Variants in RTN4 observed in about 807,000 individuals in gnomAD.
RTN4 encodes reticulon-4.
Under a neutral mutation model 90.4 loss-of-function variants are expected in RTN4, and 32 were observed. The observed-to-expected ratio is 0.35, with a 90% CI of 0.27 to 0.48. The LOEUF (loss-of-function observed/expected upper bound fraction) is 0.48. Among genes scored for constraint, RTN4 ranks in the 20% least tolerant of loss-of-function variants. The pLI is 0.99. For missense variants in RTN4, 1,706 were observed against 1,430.2 expected (o/e 1.19, Z -3.11); for synonymous variants, 629 against 552.5 (o/e 1.14, Z -1.94).
chr2:55,124,457 A>G, the RTN4 span, among the ~76,000 whole-genome samples: 1 of 152,244 alleles, frequency 6.6e-6, no homozygotes, highest in African/African-American at 2.4e-5. Context: ...AGGCAATCCC[A>G]TTCACAATTG....
chr2:55,007,064 G>C (rs1680279908), intron 3 of RTN4, among the ~76,000 whole-genome samples: 1 of 151,992 alleles, frequency 6.6e-6, no homozygotes, highest in African/African-American at 2.4e-5. Flanking sequence ...AACTCAACTT[G>C]GCATCTTTTC....
chr2:55,100,315 A>T (rs779548356), intron 1 of RTN4, among the ~76,000 whole-genome samples: 1 of 152,078 alleles, frequency 6.6e-6, no homozygotes, highest in Non-Finnish European at 1.5e-5. Context: ...ACAGGGAGCT[A>T]TTGGGGTGGC....
At chr2:55,083,564 T>TAC (rs1668775321) in intron 1 of RTN4, among the ~76,000 whole-genome samples, 1 of 152,030 alleles carries the variant, frequency 6.6e-6, no homozygotes, top group Non-Finnish European at 1.5e-5. Flanking sequence ...TTAAAACACA[T>TAC]ACACACACAC....
intron 1 of RTN4, among the ~76,000 whole-genome samples, chr2:55,045,980 G>A (rs1430656925): frequency 5.9e-5 from 9 of 152,210 alleles, no homozygotes; most frequent in Admixed American, 5.9e-4. Context: ...TCAAGTGAGA[G>A]GTTTTAGTCT....
intron 3 of RTN4, among the ~76,000 whole-genome samples, chr2:55,008,175 A>C (rs997703796): frequency 1.3e-5 from 2 of 150,398 alleles, no homozygotes; most frequent in Admixed American, 6.7e-5. Flanking sequence ...ACACACACAC[A>C]CCACCTTTTA....
chr2:55,059,982 A>G (rs1209286252), intron 2 of RTN4, among the ~76,000 whole-genome samples: 1 of 152,050 alleles, frequency 6.6e-6, no homozygotes, highest in Non-Finnish European at 1.5e-5. Flanking sequence ...CCCCAGCCAT[A>G]ATACGTTTTG....
chr2:55,010,269 G>A lies in RTN4; in HGVS notation c.3013+14817C>T, dbSNP rs1047567112. 8 of 1,494,638 alleles carry A rather than the reference G, an allele frequency of 5.4e-6. No homozygotes were observed. The African/African-American group carries it at 9.8e-5, about 18-fold the overall frequency. 92.6% of individuals were successfully genotyped at this position (1,494,638 alleles called of 1,614,324 possible). A position where few individuals can be genotyped will look rare whatever the true frequency, so the allele number is the denominator to read the frequency against. ...CTCCTCTGCTGCACAACTGCAGCAG[G>A]ACTGAAGTCACCTGACGTCTTCTGG... is the stretch of plus-strand genomic sequence containing the variant. On this transcript the variant is annotated intron_variant, in intron 3 of 8. Coordinates refer to ENST00000337526, the MANE Select transcript of RTN4 (RefSeq NM_020532.5).
intron 3 of RTN4, among the ~76,000 whole-genome samples, chr2:55,011,020 T>C (rs559236527): frequency 6.6e-6 from 1 of 152,232 alleles, no homozygotes; most frequent in South Asian, 2.1e-4. Flanking sequence ...AAAAGCAAAC[T>C]ATAATTTTAT....
At chr2:55,122,126 T>C in the RTN4 span, among the ~76,000 whole-genome samples, 2 of 151,822 alleles carry the variant, frequency 1.3e-5, no homozygotes, top group Non-Finnish European at 1.5e-5. Flanking sequence ...GCCCCACAGG[T>C]AGGGGCCCCC....
intron 2 of RTN4, among the ~76,000 whole-genome samples, chr2:55,070,102 C>G (rs570230403): frequency 6.6e-6 from 1 of 152,274 alleles, no homozygotes; most frequent in South Asian, 2.1e-4. Flanking sequence ...CAGTCTAAAG[C>G]AGGGGTTCCT....
chr2:55,027,575 A>C (rs1341606075), intron 2 of RTN4, 90 bp from the exon 3 acceptor site: 5 of 1,327,350 alleles, frequency 3.8e-6, no homozygotes, highest in Non-Finnish European at 5.2e-6. Context: ...TAGTGTTAGT[A>C]AAGACTTACT....
intron 2 of RTN4, among the ~76,000 whole-genome samples, chr2:55,074,536 A>AAT (rs1279313953): frequency 6.6e-6 from 1 of 150,928 alleles, no homozygotes; most frequent in Non-Finnish European, 1.5e-5. Flanking sequence ...AAAAAAAAAA[A>AAT]GAAAATATGG....
intron 5 of RTN4, among the ~76,000 whole-genome samples, chr2:54,981,370 C>T (rs1447595376): frequency 6.6e-6 from 1 of 151,666 alleles, no homozygotes; most frequent in East Asian, 1.9e-4. Context: ...GGCCCAGTCA[C>T]CTTATTACTA....
the RTN4 span, among the ~76,000 whole-genome samples, chr2:55,129,439 T>G: frequency 1.3e-5 from 2 of 151,812 alleles, no homozygotes; most frequent in African/African-American, 4.8e-5. Context: ...AATTAGCTGG[T>G]AGTAATAACA....
chr2:55,022,340 C>A (rs886616247), intron 3 of RTN4, among the ~76,000 whole-genome samples: 5 of 152,152 alleles, frequency 3.3e-5, no homozygotes, highest in African/African-American at 1.2e-4. Flanking sequence ...CTGTTTGAAA[C>A]CCCCATTCCA....
At position 55,027,292 on chromosome 2, in the gene RTN4, G is replaced by A; in HGVS notation, c.807C>T (p.Val269=). The A allele has an allele frequency of 1.2e-6, 2 of 1,613,596 alleles. No homozygotes were observed. Among genetic ancestry groups the A allele is most frequent in the East Asian group, 2.2e-5 (1 of 44,868 alleles). ...LPTEGTLQEN[V]SEASKEVSEK... ...CTGAGACCTCTTTAGAAGCTTCACT[G>A]ACATTTTCTTGAAGTGTTCCTTCAG... Residue 269 remains valine, a synonymous_variant, in exon 3 of 9, where the codon GTC becomes GTT. Coordinates refer to ENST00000337526, the MANE Select transcript of RTN4 (RefSeq NM_020532.5).
the RTN4 span, among the ~76,000 whole-genome samples, chr2:55,124,931 T>G: frequency 6.6e-6 from 1 of 152,262 alleles, no homozygotes; most frequent in African/African-American, 2.4e-5. Flanking sequence ...TCATCTGATC[T>G]TCAACAAAAC....
chr2:55,007,933 C>T (rs1232499369), intron 3 of RTN4, among the ~76,000 whole-genome samples: 3 of 152,056 alleles, frequency 2.0e-5, no homozygotes, highest in Admixed American at 2.0e-4. Context: ...CCTAGGCCTA[C>T]CCATTCCTTC....
intron 1 of RTN4, among the ~76,000 whole-genome samples, chr2:55,105,022 G>T (rs1482433926): frequency 6.6e-6 from 1 of 151,748 alleles, no homozygotes; most frequent in African/African-American, 2.4e-5. Flanking sequence ...GCCCGGGCTG[G>T]TCTCAAACTC....
Sources: gnomAD v4.1 joint callset for allele counts (sites outside exome capture counted in the v4.1 genomes callset) on GRCh38, gnomAD v4.1.1 for gene constraint, MANE v1.5 for transcripts, NCBI Gene and HGNC (gene_info 2026-07-23, HGNC 2026-07-21) for gene names.